ART3: variants seen among roughly 807,000 people sequenced by gnomAD.
ART3 encodes the protein ADP-ribosyltransferase 3 (inactive).
In ART3, 49 loss-of-function variants were observed where a neutral mutation model predicts 48.5. The ratio of observed to expected loss-of-function variants is 1.01; its 90% CI spans 0.80 to 1.28. ART3 has a LOEUF of 1.28. ART3 is among the 50% of genes most tolerant of loss of function. The pLI, the probability that ART3 is intolerant of heterozygous loss-of-function variation, is 0.00. For missense variants in ART3, 438 were observed against 454.3 expected (o/e 0.96, Z 0.33); for synonymous variants, 145 against 157.2 (o/e 0.92, Z 0.58).
intron 3 of ART3, among the ~76,000 whole-genome samples, chr4:76,086,424 C>A (rs1017152136): frequency 4.6e-5 from 7 of 151,996 alleles, no homozygotes; most frequent in Admixed American, 3.9e-4. Flanking sequence ...TATATGAGAT[C>A]AAAAACGAGA....
chr4:76,102,524 T>C (rs957947716), intron 8 of ART3, among the ~76,000 whole-genome samples: 3 of 152,176 alleles, frequency 2.0e-5, no homozygotes. Context: ...TGGGTATTGT[T>C]AAATAAAATA....
chr4:76,101,788 C>T (rs531826741), intron 8 of ART3, among the ~76,000 whole-genome samples: 45 of 152,162 alleles, frequency 3.0e-4, no homozygotes, highest in African/African-American at 8.4e-4. Context: ...TCAAGGATAC[C>T]GGGACAGGAA....
upstream of ART3, among the ~76,000 whole-genome samples, chr4:76,071,429 C>G (rs149485645): frequency 2.0e-5 from 3 of 152,210 alleles, no homozygotes; most frequent in East Asian, 5.8e-4. Context: ...CACCATCAAG[C>G]TATACTGCCT....
intron 1 of ART3, among the ~76,000 whole-genome samples, chr4:76,059,782 C>A (rs947628291): frequency 6.6e-6 from 1 of 152,132 alleles, no homozygotes; most frequent in Non-Finnish European, 1.5e-5. Context: ...AGAGAAAAAG[C>A]AGGCAAACTT....
At chr4:76,035,149 G>A (rs2149406249) in intron 1 of ART3, 1 of 1,612,916 alleles carries the variant, frequency 6.2e-7, no homozygotes, top group Non-Finnish European at 8.5e-7. Flanking sequence ...GAGTCTTAAA[G>A]TTTAGATGCA....
upstream of ART3, among the ~76,000 whole-genome samples, chr4:76,070,221 G>A (rs541605812): frequency 1.3e-5 from 2 of 151,650 alleles, no homozygotes; most frequent in East Asian, 1.9e-4. Flanking sequence ...GTAGAATTAC[G>A]GGGTCATATG....
At chr4:76,015,304 G>A (rs1381746695) in intron 1 of ART3, among the ~76,000 whole-genome samples, 2 of 152,292 alleles carry the variant, frequency 1.3e-5, no homozygotes, top group African/African-American at 4.8e-5. Flanking sequence ...AGATGTATAG[G>A]AGCAGAGTGT....
chr4:76,048,147 T>C (rs1054867336), intron 1 of ART3, among the ~76,000 whole-genome samples: 2 of 151,876 alleles, frequency 1.3e-5, no homozygotes, highest in African/African-American at 4.8e-5. Flanking sequence ...GGCTAGGATA[T>C]GGGGATAAGC....
intron 1 of ART3, among the ~76,000 whole-genome samples, chr4:76,048,036 C>T (rs955600323): frequency 3.3e-5 from 5 of 151,750 alleles, no homozygotes. Context: ...ACCTATAGCC[C>T]AGGGGTTTTT....
At chr4:76,048,203 G>A (rs1735695671) in intron 1 of ART3, among the ~76,000 whole-genome samples, 1 of 152,002 alleles carries the variant, frequency 6.6e-6, no homozygotes, top group Admixed American at 6.6e-5. Context: ...TTGCATAGTT[G>A]TGTATTCTCC....
At chr4:76,071,962 G>T (rs1578412286), upstream of ART3, among the ~76,000 whole-genome samples, 8 of 152,254 alleles carry the variant, frequency 5.3e-5, no homozygotes, top group East Asian at 1.5e-3. Flanking sequence ...TGTTGACCAG[G>T]CTGGGGTGCA....
At chr4:76,061,403 C>T (rs1191526789) in intron 1 of ART3, among the ~76,000 whole-genome samples, 1 of 152,188 alleles carries the variant, frequency 6.6e-6, no homozygotes, top group Non-Finnish European at 1.5e-5. Flanking sequence ...TTTATTACCA[C>T]TGATTTAGGT....
At chr4:76,047,987 G>A (rs1735674252) in intron 1 of ART3, among the ~76,000 whole-genome samples, 1 of 151,822 alleles carries the variant, frequency 6.6e-6, no homozygotes, top group South Asian at 2.1e-4. Context: ...ACCCGGGTTG[G>A]GCCAAATTCC....
intron 1 of ART3, among the ~76,000 whole-genome samples, chr4:76,053,552 T>G (rs1578343886): frequency 6.6e-6 from 1 of 152,368 alleles, no homozygotes; most frequent in African/African-American, 2.4e-5. Flanking sequence ...CAAGTTAATT[T>G]TATTAGGGTA....
chr4:76,065,486 A>G (rs866585115), intron 1 of ART3, among the ~76,000 whole-genome samples: 2 of 151,426 alleles, frequency 1.3e-5, no homozygotes, highest in South Asian at 2.1e-4. Flanking sequence ...TTTTCTCATT[A>G]ATGGTATAAT....
intron 10 of ART3, chr4:76,106,144 A>G: frequency 2.0e-6 from 2 of 985,472 alleles, no homozygotes; most frequent in Non-Finnish European, 2.4e-6. Context: ...TAACAAATTT[A>G]TAATAGGCTA....
chr4:76,020,383 C>A (rs187020442), intron 1 of ART3, among the ~76,000 whole-genome samples: 1 of 152,300 alleles, frequency 6.6e-6, no homozygotes, highest in East Asian at 1.9e-4. Context: ...CAGGCATGAG[C>A]CACCACACCC....
chr4:76,066,166 T>C (rs1316945682), intron 1 of ART3, among the ~76,000 whole-genome samples: 3 of 152,136 alleles, frequency 2.0e-5, no homozygotes, highest in East Asian at 1.9e-4. Flanking sequence ...CAGCAGAGAT[T>C]TTTTCTTTTC....
At chr4:76,107,301 C>G (rs1237257525) in intron 10 of ART3, 1 of 152,436 alleles carries the variant, frequency 6.6e-6, no homozygotes, top group Non-Finnish European at 1.5e-5. Flanking sequence ...GCACCAGTTA[C>G]CCCCGTGATT....
Sources: gnomAD v4.1 joint callset for allele counts (sites outside exome capture counted in the v4.1 genomes callset) on GRCh38, gnomAD v4.1.1 for gene constraint, MANE v1.5 for transcripts, NCBI Gene and HGNC (gene_info 2026-07-23, HGNC 2026-07-21) for gene names.